The following MDGA2 variants were observed in gnomAD, a reference collection of about 807,000 sequenced individuals.
MDGA2 encodes the protein MAM domain-containing glycosylphosphatidylinositol anchor protein 2.
A neutral mutation model predicts 117.8 loss-of-function variants in MDGA2; 40 were observed. The ratio of observed to expected loss-of-function variants is 0.34; its 90% CI spans 0.26 to 0.44. The LOEUF is 0.44. Among genes scored for constraint, MDGA2 ranks in the 20% least tolerant of loss-of-function variants. The probability of loss-of-function intolerance (pLI) is 1.00; values close to 1 mark genes in which losing one functional copy is unlikely to be tolerated. For synonymous variants in MDGA2, 452 were observed against 439.0 expected (o/e 1.03, Z -0.37); for missense variants, 1,123 against 1,250.6 (o/e 0.90, Z 1.54).
intron 1 of MDGA2, among the ~76,000 whole-genome samples, chr14:47,628,763 T>C (rs1451284433): frequency 1.3e-5 from 2 of 152,268 alleles, no homozygotes; most frequent in Non-Finnish European, 2.9e-5. Flanking sequence ...GAAGATTTTT[T>C]TCCCCCCAGC....
At chr14:47,600,278 T>A (rs1020122347) in intron 1 of MDGA2, among the ~76,000 whole-genome samples, 1 of 151,718 alleles carries the variant, frequency 6.6e-6, no homozygotes, top group Admixed American at 6.6e-5. Context: ...GTATTTTGTA[T>A]TTTTTGGGGA....
At chr14:46,896,459 A>G (rs983272876) in intron 10 of MDGA2, among the ~76,000 whole-genome samples, 5 of 152,126 alleles carry the variant, frequency 3.3e-5, no homozygotes, top group African/African-American at 9.7e-5. Context: ...ACATTTATTC[A>G]TTCATTTAAA....
chr14:47,196,916 T>C (rs891919385), intron 3 of MDGA2, among the ~76,000 whole-genome samples: 7 of 152,176 alleles, frequency 4.6e-5, no homozygotes, highest in African/African-American at 1.4e-4. Flanking sequence ...AAATATGCAG[T>C]ATTTGGTTTT....
At chr14:47,465,337 C>T (rs796439922) in intron 1 of MDGA2, among the ~76,000 whole-genome samples, 28 of 152,186 alleles carry the variant, frequency 1.8e-4, no homozygotes, top group African/African-American at 6.3e-4. Context: ...CTAGTGAGAT[C>T]TAATTGAACT....
At chr14:47,232,442 T>C (rs1886723283) in intron 2 of MDGA2, among the ~76,000 whole-genome samples, 1 of 152,106 alleles carries the variant, frequency 6.6e-6, no homozygotes, top group Admixed American at 6.5e-5. Flanking sequence ...GCAGACTTTA[T>C]GTTTTGTAAG....
intron 8 of MDGA2, among the ~76,000 whole-genome samples, chr14:46,987,586 G>A (rs1382675227): frequency 6.6e-6 from 1 of 151,930 alleles, no homozygotes; most frequent in South Asian, 2.1e-4. Context: ...TTGGTGATAC[G>A]AAAATAGAAA....
At chr14:47,056,119 A>C (rs1889667052) in intron 7 of MDGA2, among the ~76,000 whole-genome samples, 1 of 152,132 alleles carries the variant, frequency 6.6e-6, no homozygotes, top group Non-Finnish European at 1.5e-5. Flanking sequence ...TAGCCATTCT[A>C]TAAAACTTCA....
intron 1 of MDGA2, among the ~76,000 whole-genome samples, chr14:47,673,772 T>A (rs1898119731): frequency 6.6e-6 from 1 of 151,900 alleles, no homozygotes. Flanking sequence ...CTTGCCCTTC[T>A]CTAGTTCCTA....
At chr14:47,072,749 A>G (rs1440297824) in intron 6 of MDGA2, among the ~76,000 whole-genome samples, 2 of 152,158 alleles carry the variant, frequency 1.3e-5, no homozygotes, top group East Asian at 1.9e-4. Context: ...AGCCTCTGTT[A>G]TTGAAAAAGT....
intron 2 of MDGA2, among the ~76,000 whole-genome samples, chr14:47,221,126 C>T (rs907622601): frequency 1.4e-5 from 2 of 146,264 alleles, no homozygotes; most frequent in Non-Finnish European, 3.0e-5. Context: ...TTTTTTAAAA[C>T]CAAAAGGACA....
chr14:46,862,022 T>C (rs2138324359), intron 14 of MDGA2, among the ~76,000 whole-genome samples: 1 of 152,110 alleles, frequency 6.6e-6, no homozygotes, highest in East Asian at 1.9e-4. Flanking sequence ...GTGTTAATAC[T>C]CCTTAAAAGT....
At position 47,468,383 on chromosome 14, in the gene MDGA2, T is replaced by C. The variant is rs72687634; in HGVS notation, c.281-166833A>G. Among the ~76,000 whole-genome samples, 1,292 of 152,276 alleles carry C rather than the reference T, an allele frequency of 8.5e-3. 5 individuals are homozygous for C. The highest frequency in any genetic ancestry group is 0.014 in the Non-Finnish European group (924 of 68,016). On this transcript the variant is annotated intron_variant, in intron 1 of 16. Transcript: ENST00000399232. Reference sequence around the variant, plus strand: ...GTTGGTTTTGCTGCTCTTCATCCTGTGCTGCAGTTGAAAAGTCTGACCCCA... The same window carrying C: ...GTTGGTTTTGCTGCTCTTCATCCTGCGCTGCAGTTGAAAAGTCTGACCCCA...
At chr14:47,243,625 C>A (rs1453881340) in intron 2 of MDGA2, among the ~76,000 whole-genome samples, 3 of 151,068 alleles carry the variant, frequency 2.0e-5, no homozygotes, top group African/African-American at 4.9e-5. Flanking sequence ...CGAAGGTCTG[C>A]AGCTTCACTC....
intron 1 of MDGA2, among the ~76,000 whole-genome samples, chr14:47,653,226 A>G (rs1450398464): frequency 6.6e-6 from 1 of 152,162 alleles, no homozygotes; most frequent in Non-Finnish European, 1.5e-5. Flanking sequence ...CGAACAAGAC[A>G]ATAGCAATGA....
intron 1 of MDGA2, among the ~76,000 whole-genome samples, chr14:47,655,307 G>T (rs540885272): frequency 1.3e-5 from 2 of 152,236 alleles, no homozygotes; most frequent in Non-Finnish European, 2.9e-5. Flanking sequence ...TGAACCAGAA[G>T]CAGTTCTCAT....
chr14:47,042,044 T>C (rs556384914), intron 7 of MDGA2, among the ~76,000 whole-genome samples: 52 of 152,178 alleles, frequency 3.4e-4, no homozygotes, highest in African/African-American at 1.2e-3. Flanking sequence ...CCAAGAATCT[T>C]AAAATAAGCA....
At chr14:46,873,912 T>G in intron 13 of MDGA2, 133 bp downstream of exon 13, 1 of 790,720 alleles carries the variant, frequency 1.3e-6, no homozygotes, top group Non-Finnish European at 1.8e-6. Context: ...AATATCTAAA[T>G]TGATACTGTA....
intron 10 of MDGA2, among the ~76,000 whole-genome samples, chr14:46,898,482 G>C (rs1215254274): frequency 6.6e-6 from 1 of 152,062 alleles, no homozygotes; most frequent in Admixed American, 6.6e-5. Flanking sequence ...GACAATGTTT[G>C]AGATAGAATA....
intron 3 of MDGA2, among the ~76,000 whole-genome samples, chr14:47,211,403 T>G (rs1041699251): frequency 2.6e-5 from 4 of 152,160 alleles, no homozygotes; most frequent in Non-Finnish European, 5.9e-5. Flanking sequence ...CAAAAGTATG[T>G]GCTTCCTGTC....
Sources: gnomAD v4.1 joint callset for allele counts (sites outside exome capture counted in the v4.1 genomes callset) on GRCh38, gnomAD v4.1.1 for gene constraint, MANE v1.5 for transcripts, NCBI Gene and HGNC (gene_info 2026-07-23, HGNC 2026-07-21) for gene names.